Variants in UNC5D observed in about 807,000 individuals in gnomAD.
UNC5D encodes unc-5 netrin receptor D.
A neutral mutation model predicts 105.4 loss-of-function variants in UNC5D; 39 were observed. The ratio of observed to expected loss-of-function variants is 0.37; its 90% CI spans 0.29 to 0.48. The LOEUF is 0.48. Ranked by LOEUF, UNC5D falls within the 20% of genes least tolerant of loss-of-function variation. The probability of loss-of-function intolerance (pLI) is 0.98; values close to 1 mark genes in which losing one functional copy is unlikely to be tolerated. For synonymous variants in UNC5D, 452 were observed against 450.4 expected (o/e 1.00, Z -0.04); for missense variants, 991 against 1,202.4 (o/e 0.82, Z 2.60).
At chr8:35,451,674 T>C (rs1032760721) in intron 1 of UNC5D, among the ~76,000 whole-genome samples, 2 of 152,176 alleles carry the variant, frequency 1.3e-5, no homozygotes, top group Non-Finnish European at 1.5e-5. Flanking sequence ...AGTCTGTATG[T>C]CCCAGAGGGT....
At chr8:35,402,888 C>T (rs947074795) in intron 1 of UNC5D, among the ~76,000 whole-genome samples, 3 of 152,158 alleles carry the variant, frequency 2.0e-5, no homozygotes, top group Non-Finnish European at 4.4e-5. Context: ...TAGGAGCTCT[C>T]CATATTCGTG....
chr8:35,553,250 C>T (rs769388214), intron 2 of UNC5D, among the ~76,000 whole-genome samples: 37 of 151,978 alleles, frequency 2.4e-4, no homozygotes, highest in Non-Finnish European at 4.3e-4. Context: ...TATTGCTTCC[C>T]CCTTTTAATT....
chr8:35,481,066 C>A (rs192595735), intron 1 of UNC5D, among the ~76,000 whole-genome samples: 1 of 152,166 alleles, frequency 6.6e-6, no homozygotes, highest in South Asian at 2.1e-4. Flanking sequence ...GTGGCAAAAT[C>A]TTTTAGTTGA....
At chr8:35,505,309 C>A (rs1054270394) in intron 1 of UNC5D, among the ~76,000 whole-genome samples, 2 of 152,152 alleles carry the variant, frequency 1.3e-5, no homozygotes, top group Admixed American at 1.3e-4. Flanking sequence ...AATGGTCCCC[C>A]AAATTATGGG....
intron 15 of UNC5D, among the ~76,000 whole-genome samples, chr8:35,770,703 T>C (rs1385030049): frequency 6.6e-6 from 1 of 152,202 alleles, no homozygotes; most frequent in African/African-American, 2.4e-5. Context: ...TCATTCCTTA[T>C]TAATGTAACA....
intron 1 of UNC5D, among the ~76,000 whole-genome samples, chr8:35,296,816 T>A (rs1298329876): frequency 6.6e-6 from 1 of 152,164 alleles, no homozygotes; most frequent in African/African-American, 2.4e-5. Context: ...GTGGCCAAAA[T>A]AAATATATCA....
chr8:35,291,761 T>C (rs1807084377), intron 1 of UNC5D, among the ~76,000 whole-genome samples: 1 of 152,214 alleles, frequency 6.6e-6, no homozygotes, highest in Admixed American at 6.5e-5. Flanking sequence ...CTTTTGTAGT[T>C]GAATTTCAAG....
chr8:35,554,237 A>G (rs562581141), intron 2 of UNC5D, among the ~76,000 whole-genome samples: 1 of 152,304 alleles, frequency 6.6e-6, no homozygotes, highest in South Asian at 2.1e-4. Flanking sequence ...TCAAATAAGA[A>G]AAGAGATTGT....
At chr8:35,652,711 T>G (rs75602485) in intron 4 of UNC5D, among the ~76,000 whole-genome samples, 6,742 of 152,002 alleles carry the variant, frequency 0.044, 201 homozygotes, top group South Asian at 0.065. Flanking sequence ...TTTAAACATA[T>G]TAGATATTAA....
At chr8:35,272,799 A>G (rs1168102584) in intron 1 of UNC5D, among the ~76,000 whole-genome samples, 1 of 152,244 alleles carries the variant, frequency 6.6e-6, no homozygotes, top group Non-Finnish European at 1.5e-5. Flanking sequence ...TTAAAAAGCA[A>G]GTAACATGTG....
intron 1 of UNC5D, among the ~76,000 whole-genome samples, chr8:35,534,367 T>C (rs940472302): frequency 2.0e-5 from 3 of 152,140 alleles, no homozygotes; most frequent in Non-Finnish European, 4.4e-5. Context: ...TGTCTTCATA[T>C]GTGGGTACTA....
chr8:35,241,244 A>T (rs946185484), intron 1 of UNC5D, among the ~76,000 whole-genome samples: 1 of 152,236 alleles, frequency 6.6e-6, no homozygotes, highest in Non-Finnish European at 1.5e-5. Context: ...TTTGTGCCAC[A>T]TTGCATCGTA....
chr8:35,649,067 A>G (rs1379806696), intron 4 of UNC5D, among the ~76,000 whole-genome samples: 1 of 152,220 alleles, frequency 6.6e-6, no homozygotes, highest in Non-Finnish European at 1.5e-5. Context: ...CTTTGAGATT[A>G]TGTTCTTAGA....
At chr8:35,647,797 T>C (rs1823149417) in intron 4 of UNC5D, among the ~76,000 whole-genome samples, 1 of 152,196 alleles carries the variant, frequency 6.6e-6, no homozygotes, top group Non-Finnish European at 1.5e-5. Flanking sequence ...GCTTCTTTTA[T>C]CTTTTAATCT....
chr8:35,544,967 C>T (rs1471481732), intron 1 of UNC5D, among the ~76,000 whole-genome samples: 1 of 152,122 alleles, frequency 6.6e-6, no homozygotes, highest in Non-Finnish European at 1.5e-5. Context: ...GACTCATGTG[C>T]TAAACCAGTG....
intron 1 of UNC5D, among the ~76,000 whole-genome samples, chr8:35,376,909 T>A (rs1802729836): frequency 2.6e-5 from 4 of 152,170 alleles, no homozygotes; most frequent in Middle Eastern, 3.2e-3. Flanking sequence ...AAGTCATATC[T>A]TTTTCATAAA....
chr8:35,283,172 A>T (rs1806320909), intron 1 of UNC5D, among the ~76,000 whole-genome samples: 1 of 152,184 alleles, frequency 6.6e-6, no homozygotes. Context: ...TACAAAGGAG[A>T]ACAATTTTTA....
intron 1 of UNC5D, among the ~76,000 whole-genome samples, chr8:35,529,761 T>C (rs1367625696): frequency 7.6e-6 from 1 of 131,668 alleles, no homozygotes; most frequent in Admixed American, 8.0e-5. Flanking sequence ...AAGAGGTCCT[T>C]CACATCCCTT....
chr8:35,395,571 A>T (rs2128945015), intron 1 of UNC5D, among the ~76,000 whole-genome samples: 1 of 152,332 alleles, frequency 6.6e-6, no homozygotes, highest in African/African-American at 2.4e-5. Flanking sequence ...ATTTAGTAGT[A>T]GAGAGTAAAT....
Sources: allele counts gnomAD v4.1 joint callset (sites outside exome capture counted in the v4.1 genomes callset), GRCh38; gene constraint gnomAD v4.1.1; transcripts MANE v1.5; gene names NCBI Gene and HGNC (gene_info 2026-07-23, HGNC 2026-07-21).